Variants in ANKRD44 observed in about 807,000 individuals in gnomAD.
The protein encoded by ANKRD44 is serine/threonine-protein phosphatase 6 regulatory ankyrin repeat subunit B.
A neutral mutation model predicts 116.0 loss-of-function variants in ANKRD44; 35 were observed. The observed-to-expected ratio is 0.30, with a 90% confidence interval of 0.23 to 0.40. ANKRD44 has a LOEUF of 0.40. ANKRD44 is among the 10% of genes least tolerant of loss of function. The pLI is 1.00. For missense variants in ANKRD44, 1,014 were observed against 1,242.6 expected, an observed-to-expected ratio of 0.82 and a Z score of 2.77; for synonymous variants, 435 against 461.8, an observed-to-expected ratio of 0.94 and a Z score of 0.74.
At chr2:197,063,816 T>C in intron 16 of ANKRD44, among the ~76,000 whole-genome samples, 1 of 152,154 alleles carries the variant, frequency 6.6e-6, no homozygotes, top group Admixed American at 6.5e-5. Context: ...AAAGACCAAA[T>C]CTACGTCTGA....
chr2:197,100,035 A>G (rs777007637), intron 9 of ANKRD44, 105 bp from the exon 10 acceptor site: 2 of 1,037,300 alleles, frequency 1.9e-6, no homozygotes, highest in East Asian at 5.0e-5. Context: ...TTTCTTTCCT[A>G]TTCCAGTTGT....
intron 4 of ANKRD44, among the ~76,000 whole-genome samples, chr2:197,127,429 G>A (rs1191929278): frequency 2.6e-5 from 4 of 152,086 alleles, no homozygotes; most frequent in Non-Finnish European, 5.9e-5. Flanking sequence ...AAAGTTTTAA[G>A]CTTGGAAGCT....
chr2:197,053,685 G>C (rs145787607), intron 16 of ANKRD44, among the ~76,000 whole-genome samples: 386 of 152,272 alleles, frequency 2.5e-3, no homozygotes, highest in African/African-American at 8.8e-3. Flanking sequence ...GTTTCACCAT[G>C]TTGGCCAGGC....
intron 1 of ANKRD44, among the ~76,000 whole-genome samples, chr2:197,298,528 C>T (rs552973243): frequency 2.6e-5 from 4 of 152,052 alleles, no homozygotes; most frequent in East Asian, 1.9e-4. Flanking sequence ...TTCTATCAAG[C>T]GAGAGTGGAG....
rs368441000 is a variant in ANKRD44 at position 197,013,658 on chromosome 2, G to C, written c.1777C>G (p.Leu593Val). 6 of 1,613,838 alleles carry C rather than the reference G, an allele frequency of 3.7e-6. No homozygotes were observed. Among genetic ancestry groups the C allele is most frequent in the Non-Finnish European group, 5.1e-6 (6 of 1,180,036 alleles). ...LEVLLQSLVD[L>V]DIRDEKGRTA... is the part of the protein sequence containing the mutation. ...CGGCCTTTCTCATCCCTGATGTCCA[G>C]GTCCACCAACGACTGCAGAAGGACT... The change falls in exon 18 of 28, where the codon CTG (leucine) becomes GTG (valine). Residue 593 changes from leucine (L) to valine (V), a missense_variant. Physicochemically the swap from Leu to Val is conservative, Grantham distance 32 (BLOSUM62 1). Transcript: ENST00000282272.
At chr2:197,038,874 T>C (rs767066367) in intron 16 of ANKRD44, among the ~76,000 whole-genome samples, 5 of 152,196 alleles carry the variant, frequency 3.3e-5, no homozygotes, top group East Asian at 1.9e-4. Flanking sequence ...CCAAAAGTGA[T>C]TGCAGAAGCG....
chr2:197,224,218 T>G (rs1171354753), intron 1 of ANKRD44, among the ~76,000 whole-genome samples: 1 of 152,170 alleles, frequency 6.6e-6, no homozygotes, highest in Non-Finnish European at 1.5e-5. Context: ...ATGGCTCAAA[T>G]TGTGACCATA....
intron 1 of ANKRD44, among the ~76,000 whole-genome samples, chr2:197,306,489 T>C (rs1210951753): frequency 1.3e-5 from 2 of 152,194 alleles, no homozygotes; most frequent in Non-Finnish European, 2.9e-5. Flanking sequence ...ATTAGGTCTC[T>C]GCCATGAAAC....
chr2:197,010,925 A>G (rs1003209863), intron 18 of ANKRD44, among the ~76,000 whole-genome samples: 1 of 152,234 alleles, frequency 6.6e-6, no homozygotes, highest in Admixed American at 6.5e-5. Context: ...ATACATACAT[A>G]CTGGAATTAG....
chr2:197,213,408 C>G (rs1479710185), intron 1 of ANKRD44, among the ~76,000 whole-genome samples: 11 of 152,140 alleles, frequency 7.2e-5, no homozygotes, highest in Non-Finnish European at 1.5e-4. Context: ...TGGAATTTTT[C>G]TGATTTTTTT....
chr2:197,191,203 T>A (rs190845839), intron 1 of ANKRD44, among the ~76,000 whole-genome samples: 7 of 152,308 alleles, frequency 4.6e-5, no homozygotes, highest in Admixed American at 3.9e-4. Context: ...GAAGGACACT[T>A]CCTGGGCCAA....
chr2:197,184,762 A>T (rs2080612223), intron 2 of ANKRD44, among the ~76,000 whole-genome samples: 2 of 151,926 alleles, frequency 1.3e-5, no homozygotes, highest in African/African-American at 4.8e-5. Flanking sequence ...GCTACCTGGG[A>T]TCCTGTTTGG....
intron 2 of ANKRD44, among the ~76,000 whole-genome samples, chr2:197,163,024 T>G (rs1419908409): frequency 6.6e-6 from 1 of 151,970 alleles, no homozygotes. Context: ...AATGGCTTGG[T>G]TTTTTTTGTG....
At position 196,987,388 on chromosome 2, in the gene ANKRD44, C is replaced by G. The variant is rs939413710; in HGVS notation, c.*2203G>C. The stretch of plus-strand genomic sequence containing the variant: ...CTCAAATGAAAAAATACAAAACATT[C>G]CACAGAACATTTTCAGAATATACAA... On this transcript the variant is annotated 3_prime_UTR_variant, in exon 28 of 28. Transcript: ENST00000282272. The G allele has an allele frequency of 2.0e-6, 2 of 984,926 alleles. No homozygotes were observed. The highest frequency in any genetic ancestry group is 4.7e-5 in the South Asian group (1 of 21,270). The allele number at this position is 984,926 out of a possible 1,614,324, so 61.0% of individuals were successfully genotyped here.
At chr2:197,066,237 C>T (rs149539971) in intron 16 of ANKRD44, among the ~76,000 whole-genome samples, 19,172 of 152,172 alleles carry the variant, frequency 0.13, 1,422 homozygotes, top group Non-Finnish European at 0.17. Flanking sequence ...CAAAATTCAA[C>T]AGACCTTCAT....
chr2:197,256,567 T>C (rs993676760), intron 1 of ANKRD44, among the ~76,000 whole-genome samples: 2 of 152,080 alleles, frequency 1.3e-5, no homozygotes, highest in African/African-American at 4.8e-5. Flanking sequence ...GGAAAAAAAA[T>C]ATGTCATGAA....
chr2:197,220,866 G>A (rs944548326), intron 1 of ANKRD44, among the ~76,000 whole-genome samples: 8 of 152,168 alleles, frequency 5.3e-5, no homozygotes, highest in African/African-American at 1.4e-4. Context: ...GGGTTTTTAA[G>A]ATCATGTTAT....
intron 1 of ANKRD44, among the ~76,000 whole-genome samples, chr2:197,231,127 TA>T (rs1443968515): frequency 6.6e-6 from 1 of 152,126 alleles, no homozygotes; most frequent in African/African-American, 2.4e-5. Flanking sequence ...TTCTTACGGA[TA>T]AATCAATCTG....
At chr2:197,195,008 A>T (rs2125634542) in intron 1 of ANKRD44, among the ~76,000 whole-genome samples, 1 of 152,306 alleles carries the variant, frequency 6.6e-6, no homozygotes, top group Non-Finnish European at 1.5e-5. Flanking sequence ...ACATCAGCAT[A>T]AGAAGCTTTA....
Sources: gnomAD v4.1 joint callset for allele counts (sites outside exome capture counted in the v4.1 genomes callset) on GRCh38, gnomAD v4.1.1 for gene constraint, MANE v1.5 for transcripts, NCBI Gene and HGNC (gene_info 2026-07-23, HGNC 2026-07-21) for gene names.